Variants in USP28 observed in about 807,000 individuals in gnomAD.
USP28 encodes ubiquitin carboxyl-terminal hydrolase 28.
A neutral mutation model predicts 145.0 loss-of-function variants in USP28; 113 were observed. That is an observed-to-expected ratio of 0.78 (90% CI 0.67 to 0.91). The LOEUF is 0.91. Among genes scored for constraint, USP28 ranks in the 40% least tolerant of loss-of-function variants. The pLI, the probability that USP28 is intolerant of heterozygous loss-of-function variation, is 0.00. For synonymous variants in USP28, 447 were observed against 450.9 expected, an observed-to-expected ratio of 0.99 and a Z score of 0.11; for missense variants, 1,201 against 1,289.6, an observed-to-expected ratio of 0.93 and a Z score of 1.05.
At chr11:113,827,196 A>G (rs914878218) in intron 11 of USP28, 37 bp downstream of exon 11, 1 of 1,587,818 alleles carries the variant, frequency 6.3e-7, no homozygotes, top group Non-Finnish European at 8.5e-7. Context: ...TACTGCTGTA[A>G]TACCTCAGGA....
chr11:113,816,312 C>T (rs1044431003), intron 13 of USP28, among the ~76,000 whole-genome samples: 5 of 152,054 alleles, frequency 3.3e-5, no homozygotes. Context: ...GTCAAGAGAT[C>T]GAGACCACCC....
In USP28 at chr11:113,875,555, C is replaced by G. The variant is rs1034111969; in HGVS notation, c.-54G>C. ...GTCTCCCGCCGCAGCCGCCGCCGGC[C>G]CAGCCTCTCAGGACTAGGCCCCGCC... On this transcript the variant is annotated 5_prime_UTR_variant, in exon 1 of 25. Transcript: ENST00000003302. The G allele has an allele frequency of 2.7e-4, 304 of 1,124,170 alleles. 1 individual carries two copies. Among genetic ancestry groups the G allele is most frequent in the Non-Finnish European group, 2.9e-4 (267 of 920,006 alleles). The allele number at this position is 1,124,170 out of a possible 1,614,324, so 69.6% of individuals were successfully genotyped here.
At chr11:113,826,028 T>TAATCC (rs1420582654) in intron 11 of USP28, among the ~76,000 whole-genome samples, 2 of 152,130 alleles carry the variant, frequency 1.3e-5, no homozygotes, top group East Asian at 3.9e-4. Flanking sequence ...CTCACGCCTA[T>TAATCC]AATCCCAGCA....
chr11:113,874,871 C>A, intron 1 of USP28: 1 of 1,001,538 alleles, frequency 1.0e-6, no homozygotes, highest in South Asian at 4.1e-5. Context: ...CCTCCCCCTC[C>A]TTAAAAATCT....
At chr11:113,810,763 C>T (rs1651326010) in intron 16 of USP28, among the ~76,000 whole-genome samples, 1 of 152,204 alleles carries the variant, frequency 6.6e-6, no homozygotes, top group Admixed American at 6.5e-5. Flanking sequence ...CAACCTTTGC[C>T]TCCCAGGTTC....
chr11:113,833,964 G>C (rs950896411), intron 6 of USP28, among the ~76,000 whole-genome samples: 2 of 152,210 alleles, frequency 1.3e-5, no homozygotes, highest in African/African-American at 4.8e-5. Context: ...CATTGCCTAA[G>C]CAGCTCAGGA....
chr11:113,870,455 A>G (rs1316294426), intron 1 of USP28, among the ~76,000 whole-genome samples: 1 of 152,224 alleles, frequency 6.6e-6, no homozygotes, highest in Non-Finnish European at 1.5e-5. Flanking sequence ...TGAGCCTAGG[A>G]GGTCAAGGCC....
At chr11:113,841,700 A>C (rs1310747658) in exon 4 of USP28, 1 of 1,612,732 alleles carries the variant, frequency 6.2e-7, no homozygotes, top group African/African-American at 1.3e-5. Context: ...ATTTTGGGAG[A>C]CTCCAGTAGA....
At chr11:113,835,437 C>T (rs924827169) in intron 5 of USP28, 5 of 445,368 alleles carry the variant, frequency 1.1e-5, no homozygotes, top group Non-Finnish European at 2.2e-5. Context: ...ATCCAAGTGT[C>T]GGTACTGACT....
exon 14 of USP28, chr11:113,815,196 A>G (rs757591621): frequency 2.5e-6 from 4 of 1,614,104 alleles, no homozygotes; most frequent in Non-Finnish European, 1.7e-6. Context: ...GTTCAATCTC[A>G]CTCCTCCATC....
chr11:113,812,746 A>G (rs1444449403), intron 15 of USP28, among the ~76,000 whole-genome samples: 1 of 152,206 alleles, frequency 6.6e-6, no homozygotes, highest in Non-Finnish European at 1.5e-5. Context: ...TTTCAACTCT[A>G]AACTCCTCAG....
intron 1 of USP28, 68 bp downstream of exon 1, chr11:113,875,377 A>G (rs2096374437): frequency 1.8e-6 from 2 of 1,135,994 alleles, no homozygotes; most frequent in African/African-American, 3.3e-5. Flanking sequence ...GCAGCCCTGC[A>G]GGCCCCGCAC....
intron 1 of USP28, among the ~76,000 whole-genome samples, chr11:113,861,077 C>A (rs941050585): frequency 4.0e-5 from 6 of 151,492 alleles, no homozygotes; most frequent in Non-Finnish European, 7.4e-5. Flanking sequence ...CAAGATCGCA[C>A]CACTGCATTC....
chr11:113,856,946 A>G (rs920948441), intron 1 of USP28, among the ~76,000 whole-genome samples: 6 of 152,182 alleles, frequency 3.9e-5, no homozygotes, highest in African/African-American at 1.4e-4. Flanking sequence ...TTGTCCTTAT[A>G]CAATCACAAG....
At chr11:113,813,765 A>C in intron 15 of USP28, 120 bp downstream of exon 15, 1 of 774,804 alleles carries the variant, frequency 1.3e-6, no homozygotes, top group South Asian at 1.7e-5. Context: ...TTTATATCTT[A>C]AGTTTATTCT....
At chr11:113,813,783 TAGG>T (rs1413326997) in intron 15 of USP28, 99 bp downstream of exon 15, 4 of 861,118 alleles carry the variant, frequency 4.6e-6, no homozygotes, top group Non-Finnish European at 7.6e-6. Flanking sequence ...TCTTTTATCT[TAGG>T]GGGATTCCCA....
chr11:113,840,453 T>C (rs1340391297), intron 5 of USP28, 145 bp downstream of exon 5: 5 of 1,058,980 alleles, frequency 4.7e-6, no homozygotes, highest in Non-Finnish European at 6.6e-6. Flanking sequence ...TCAAAGCATC[T>C]AAATCCATAC....
chr11:113,856,235 T>A (rs1007550248), intron 1 of USP28, among the ~76,000 whole-genome samples: 1 of 152,112 alleles, frequency 6.6e-6, no homozygotes, highest in Non-Finnish European at 1.5e-5. Flanking sequence ...CTCACACAAA[T>A]CACACATAAT....
At chr11:113,847,869 A>ACC (rs1368791300) in intron 3 of USP28, among the ~76,000 whole-genome samples, 1 of 152,172 alleles carries the variant, frequency 6.6e-6, no homozygotes, top group East Asian at 1.9e-4. Context: ...CTGGTTAAGG[A>ACC]CACCCCTTCA....
Sources: allele counts gnomAD v4.1 joint callset (sites outside exome capture counted in the v4.1 genomes callset), GRCh38; gene constraint gnomAD v4.1.1; transcripts MANE v1.5; gene names NCBI Gene and HGNC (gene_info 2026-07-23, HGNC 2026-07-21).